Variants in ITFG1 observed in about 807,000 individuals in gnomAD.
The protein encoded by ITFG1 is integrin alpha FG-GAP repeat containing 1, also known as T-cell immunomodulatory protein.
In ITFG1, 34 loss-of-function variants were observed where a neutral mutation model predicts 81.8. The observed-to-expected ratio is 0.42, with a 90% CI of 0.32 to 0.55. ITFG1 has a LOEUF of 0.55. ITFG1 is among the 20% of genes least tolerant of loss of function. The pLI is 0.17. For missense variants in ITFG1, 672 were observed against 755.4 expected, an observed-to-expected ratio of 0.89 and a Z score of 1.29; for synonymous variants, 285 against 270.6, an observed-to-expected ratio of 1.05 and a Z score of -0.52.
chr16:47,205,845 T>TATCTATCTATCTATC (rs1965489895), intron 14 of ITFG1, among the ~76,000 whole-genome samples: 1 of 122,278 alleles, frequency 8.2e-6, no homozygotes, highest in Non-Finnish European at 2.0e-5. Flanking sequence ...TCTATCTATC[T>TATCTATCTATCTATC]ATCTATCTAT....
intron 10 of ITFG1, among the ~76,000 whole-genome samples, chr16:47,292,291 C>T (rs1005826260): frequency 3.3e-5 from 5 of 152,184 alleles, no homozygotes; most frequent in Non-Finnish European, 5.9e-5. Flanking sequence ...GGATTAGAGG[C>T]GTGAGCCACC....
At chr16:47,397,372 G>A (rs1968606724) in intron 6 of ITFG1, among the ~76,000 whole-genome samples, 1 of 152,094 alleles carries the variant, frequency 6.6e-6, no homozygotes, top group Non-Finnish European at 1.5e-5. Context: ...ACTCTTACTG[G>A]GCATGGGAAA....
chr16:47,161,509 T>C, intron 16 of ITFG1: 1 of 327,708 alleles, frequency 3.1e-6, no homozygotes, highest in Non-Finnish European at 5.7e-6. Context: ...GCAGAATACA[T>C]ATAAATCCCT....
At chr16:47,295,168 T>C (rs1345386393) in intron 10 of ITFG1, among the ~76,000 whole-genome samples, 1 of 152,218 alleles carries the variant, frequency 6.6e-6, no homozygotes, top group Admixed American at 6.5e-5. Context: ...TTTGCATATG[T>C]TGAACCATCT....
intron 15 of ITFG1, 41 bp from the exon 16 acceptor site, chr16:47,161,873 T>TA (rs1964811856): frequency 1.8e-6 from 2 of 1,110,322 alleles, no homozygotes; most frequent in Non-Finnish European, 1.4e-6. Flanking sequence ...TCAGCACATT[T>TA]AAAAAACACA....
intron 14 of ITFG1, among the ~76,000 whole-genome samples, chr16:47,178,068 G>A (rs1160448615): frequency 3.3e-5 from 5 of 152,156 alleles, no homozygotes; most frequent in Non-Finnish European, 5.9e-5. Context: ...TTAAAATTTG[G>A]AGATGTTTTA....
At position 47,155,466 on chromosome 16, in the gene ITFG1, G is replaced by T. The variant is rs1964688193; in HGVS notation, c.*253C>A. 3.6e-6 allele frequency: 1 copy of T among 277,698 alleles called. No homozygotes were observed. The highest frequency in any genetic ancestry group is 6.6e-6 in the Non-Finnish European group (1 of 150,844). The allele number at this position is 277,698 out of a possible 1,614,324, so 17.2% of individuals were successfully genotyped here. ...TAAATACACAAACACTGGAGTACAT[G>T]CAACACATTCCACAAAGGAACAAAA... On this transcript the variant is annotated 3_prime_UTR_variant, in exon 18 of 18. Coordinates refer to ENST00000320640, the MANE Select transcript of ITFG1 (RefSeq NM_030790.5).
intron 8 of ITFG1, among the ~76,000 whole-genome samples, chr16:47,343,677 G>T (rs1967814157): frequency 6.6e-6 from 1 of 152,050 alleles, no homozygotes; most frequent in Non-Finnish European, 1.5e-5. Flanking sequence ...TACTAGGAAG[G>T]CTCTAATAAT....
At chr16:47,357,513 G>C (rs1330571292) in intron 8 of ITFG1, among the ~76,000 whole-genome samples, 1 of 151,432 alleles carries the variant, frequency 6.6e-6, no homozygotes, top group East Asian at 1.9e-4. Flanking sequence ...GACCCGGGAG[G>C]CTGAGGCAGA....
chr16:47,401,035 TG>T (rs1245123635), intron 6 of ITFG1, among the ~76,000 whole-genome samples: 2 of 152,200 alleles, frequency 1.3e-5, no homozygotes. Context: ...AAGACCAGTC[TG>T]GCAACTGTCA....
chr16:47,253,328 G>T (rs753894930), intron 12 of ITFG1, among the ~76,000 whole-genome samples: 14 of 152,174 alleles, frequency 9.2e-5, no homozygotes, highest in Non-Finnish European at 1.9e-4. Flanking sequence ...TTGAAAAACT[G>T]TCAACAACAC....
intron 6 of ITFG1, among the ~76,000 whole-genome samples, chr16:47,411,277 G>A (rs1014305953): frequency 5.9e-5 from 9 of 152,150 alleles, no homozygotes; most frequent in Non-Finnish European, 2.9e-5. Context: ...GAAGGGTGTC[G>A]CCCATATGCC....
intron 13 of ITFG1, among the ~76,000 whole-genome samples, chr16:47,231,221 A>G (rs532430734): frequency 6.6e-6 from 1 of 152,364 alleles, no homozygotes; most frequent in South Asian, 2.1e-4. Flanking sequence ...TCCAAGGGGA[A>G]AAGTACTTAT....
At chr16:47,380,052 A>G (rs1482771887) in intron 6 of ITFG1, among the ~76,000 whole-genome samples, 1 of 150,196 alleles carries the variant, frequency 6.7e-6, no homozygotes, top group Non-Finnish European at 1.5e-5. Context: ...GGTAGCCAAA[A>G]AAAAAAAAAA....
Position 47,318,524 on chromosome 16 carries a change from T to TGAAATATG in ITFG1, c.803-4702_803-4701insCATATTTC, listed in dbSNP as rs1308917644. On this transcript the variant is annotated intron_variant, in intron 8 of 17. Transcript: ENST00000320640. ...CTAAAATGAAAATTATGGTTTCAATTGTTACATTAAATTAAAATTTATATT... is the reference window on the plus strand; with the variant it reads ...CTAAAATGAAAATTATGGTTTCAATTGAAATATGGTTACATTAAATTAAAATTTATATT... Among the ~76,000 whole-genome samples, 47 of 152,300 alleles carry TGAAATATG rather than the reference T, an allele frequency of 3.1e-4. No individual in the cohort carries two copies. The East Asian group carries it at 6.2e-3, about 20-fold the overall frequency.
In ITFG1 at chr16:47,454,134, A is replaced by G; in HGVS notation, c.306T>C (p.Ser102=). The part of the protein sequence containing the change: ...SFKNHSALIT[S]VVPGDYDGDS... ...CTCCATCATAATCCCCAGGGACTAC[A>G]CTTGTTATCAATGCACTGTGATTCC... Residue 102 remains serine (S), a synonymous_variant, in exon 3 of 18, where the codon AGT becomes AGC. Coordinates refer to ENST00000320640, the MANE Select transcript of ITFG1 (RefSeq NM_030790.5). 6.2e-7 allele frequency: 1 copy of G among 1,606,504 alleles called. No homozygotes were observed. Among genetic ancestry groups the G allele is most frequent in the Non-Finnish European group, 8.5e-7 (1 of 1,175,094 alleles).
At chr16:47,199,927 C>T (rs1482349473) in intron 14 of ITFG1, among the ~76,000 whole-genome samples, 1 of 152,108 alleles carries the variant, frequency 6.6e-6, no homozygotes, top group Non-Finnish European at 1.5e-5. Flanking sequence ...CTGCACAGTT[C>T]ACAATAGGGT....
chr16:47,308,529 G>T (rs982125425), intron 10 of ITFG1, among the ~76,000 whole-genome samples: 6 of 152,166 alleles, frequency 3.9e-5, no homozygotes, highest in Non-Finnish European at 5.9e-5. Flanking sequence ...CATGATATTG[G>T]ATAAGCTGTC....
chr16:47,347,072 A>G (rs1162844908), intron 8 of ITFG1, among the ~76,000 whole-genome samples: 1 of 152,244 alleles, frequency 6.6e-6, no homozygotes, highest in Non-Finnish European at 1.5e-5. Context: ...GGCGGTTCCA[A>G]GATGGCCGAA....
Sources: gnomAD v4.1 joint callset for allele counts (sites outside exome capture counted in the v4.1 genomes callset) on GRCh38, gnomAD v4.1.1 for gene constraint, MANE v1.5 for transcripts, NCBI Gene and HGNC (gene_info 2026-07-23, HGNC 2026-07-21) for gene names.